Variants in GPATCH2 observed in about 807,000 individuals in gnomAD.
The protein encoded by GPATCH2 is G patch domain-containing protein 2.
GPATCH2 carries 51 observed loss-of-function variants against 58.0 expected under a neutral mutation model. That is an observed-to-expected ratio of 0.88 (90% CI 0.70 to 1.11). The LOEUF is 1.11. Ranked by LOEUF, GPATCH2 falls within the 50% of genes most tolerant of loss-of-function variation. GPATCH2 has a pLI of 0.00. For synonymous variants in GPATCH2, 222 were observed against 218.5 expected (o/e 1.02, Z -0.14); for missense variants, 625 against 652.2 (o/e 0.96, Z 0.45).
intron 5 of GPATCH2, among the ~76,000 whole-genome samples, chr1:217,544,431 C>A (rs956108106): frequency 1.3e-5 from 2 of 152,036 alleles, no homozygotes; most frequent in Admixed American, 6.6e-5. Context: ...GATTCTCCTG[C>A]GTCCACTATC....
chr1:217,611,275 A>G (rs964674761), intron 3 of GPATCH2, among the ~76,000 whole-genome samples: 1 of 152,168 alleles, frequency 6.6e-6, no homozygotes, highest in African/African-American at 2.4e-5. Context: ...ACATACCTGT[A>G]CTAAAAAATT....
intron 6 of GPATCH2, among the ~76,000 whole-genome samples, chr1:217,512,881 TAAC>T (rs781188861): frequency 1.3e-5 from 2 of 152,336 alleles, no homozygotes; most frequent in South Asian, 2.1e-4. Context: ...AGAGGAAGAA[TAAC>T]AAGTTAGGTT....
At chr1:217,449,201 T>C (rs779080490) in intron 9 of GPATCH2, 48 bp downstream of exon 9, 8 of 947,224 alleles carry the variant, frequency 8.4e-6, no homozygotes, top group Non-Finnish European at 1.4e-5. Context: ...TCTTCATGAT[T>C]TATGAACTCT....
chr1:217,536,200 T>C (rs752232891), intron 5 of GPATCH2, among the ~76,000 whole-genome samples: 2 of 152,236 alleles, frequency 1.3e-5, no homozygotes, highest in Non-Finnish European at 2.9e-5. Flanking sequence ...TGTAGTCAGA[T>C]GAAGCAATCT....
At chr1:217,620,682 T>G (rs1669142628) in intron 1 of GPATCH2, among the ~76,000 whole-genome samples, 183 bp from the exon 2 acceptor site, 1 of 152,248 alleles carries the variant, frequency 6.6e-6, no homozygotes, top group Non-Finnish European at 1.5e-5. Flanking sequence ...CCTCTTCTTA[T>G]ATAAGTTCTT....
chr1:217,451,189 A>G (rs1250545893), intron 8 of GPATCH2, among the ~76,000 whole-genome samples: 1 of 152,154 alleles, frequency 6.6e-6, no homozygotes, highest in African/African-American at 2.4e-5. Context: ...CCTTACAACA[A>G]TCCTAAATAT....
At chr1:217,470,832 A>G (rs929053976) in intron 8 of GPATCH2, among the ~76,000 whole-genome samples, 2 of 152,146 alleles carry the variant, frequency 1.3e-5, no homozygotes, top group Non-Finnish European at 2.9e-5. Context: ...ATTGGAATAT[A>G]TATGTAATTA....
chr1:217,630,616 C>A (rs936145355), intron 1 of GPATCH2, among the ~76,000 whole-genome samples: 2 of 152,154 alleles, frequency 1.3e-5, no homozygotes, highest in African/African-American at 4.8e-5. Flanking sequence ...CTTCCTGTCC[C>A]TAGTGTTGTC....
intron 5 of GPATCH2, 33 bp downstream of exon 5, chr1:217,610,288 A>T (rs1479849014): frequency 6.7e-7 from 1 of 1,493,966 alleles, no homozygotes; most frequent in South Asian, 1.1e-5. Context: ...AACATTTCCA[A>T]ACATGACAAT....
chr1:217,492,835 T>C (rs1376011661), intron 7 of GPATCH2: 2 of 152,224 alleles, frequency 1.3e-5, no homozygotes, highest in Admixed American at 1.3e-4. Flanking sequence ...GCTATGATTA[T>C]AATTATGATG....
chr1:217,511,012 C>T (rs960627459), intron 6 of GPATCH2, among the ~76,000 whole-genome samples: 36 of 152,028 alleles, frequency 2.4e-4, no homozygotes, highest in African/African-American at 7.5e-4. Context: ...GCAGGAGAAT[C>T]GTTTGAACTG....
chr1:217,463,641 CAA>C (rs201402598), intron 8 of GPATCH2, among the ~76,000 whole-genome samples: 920 of 81,546 alleles, frequency 0.011, 3 homozygotes, highest in African/African-American at 0.037. Flanking sequence ...CTTATCACTC[CAA>C]AAAAAAAAAA....
intron 2 of GPATCH2, among the ~76,000 whole-genome samples, chr1:217,616,307 A>C (rs1668883366): frequency 6.6e-6 from 1 of 152,118 alleles, no homozygotes; most frequent in Non-Finnish European, 1.5e-5. Flanking sequence ...AAATTACTTC[A>C]AAACTTGTTG....
chr1:217,577,750 T>C (rs1558498468), intron 5 of GPATCH2, among the ~76,000 whole-genome samples: 1 of 151,942 alleles, frequency 6.6e-6, no homozygotes, highest in Non-Finnish European at 1.5e-5. Context: ...TTATTATTAT[T>C]ATTATTGTTA....
At chr1:217,611,415 C>G (rs1438529664) in intron 3 of GPATCH2, among the ~76,000 whole-genome samples, 1 of 152,040 alleles carries the variant, frequency 6.6e-6, no homozygotes, top group Non-Finnish European at 1.5e-5. Context: ...TATCTTAAGA[C>G]TCTAAGAACT....
chr1:217,450,097 C>G (rs1036550197), intron 8 of GPATCH2, among the ~76,000 whole-genome samples: 1 of 151,884 alleles, frequency 6.6e-6, no homozygotes, highest in Non-Finnish European at 1.5e-5. Context: ...GAAATCAAGA[C>G]GAATACAAAA....
rs1056890626 is a variant in GPATCH2, at chr1:217,610,378, G to T, written c.1041C>A (p.Arg347=). 1.9e-6 allele frequency: 3 copies of T among 1,603,866 alleles called. No homozygotes were observed. The Admixed American group carries it at 5.0e-5, about 27-fold the overall frequency. The change falls in exon 5 of 10, where the codon CGC becomes CGA. Residue 347 remains arginine, a synonymous_variant. Coordinates refer to ENST00000366935, the MANE Select transcript of GPATCH2 (RefSeq NM_018040.5). The part of the protein sequence containing the change: ...SRRGFQARLS[R]LHGMSSKNIK... ...TATTCTTTGAAGACATTCCATGAAG[G>T]CGACTGAGTCTAGCTTGGAAACCTG...
intron 5 of GPATCH2, among the ~76,000 whole-genome samples, chr1:217,602,286 A>G (rs1668144751): frequency 6.6e-6 from 1 of 152,200 alleles, no homozygotes; most frequent in Non-Finnish European, 1.5e-5. Flanking sequence ...AGCATATCTT[A>G]TATCTCAGTA....
At chr1:217,513,516 C>T (rs1378339172) in intron 6 of GPATCH2, among the ~76,000 whole-genome samples, 1 of 152,102 alleles carries the variant, frequency 6.6e-6, no homozygotes, top group Non-Finnish European at 1.5e-5. Context: ...TTCATGTCTT[C>T]CCATACTTTA....
Sources: allele counts gnomAD v4.1 joint callset (sites outside exome capture counted in the v4.1 genomes callset), GRCh38; gene constraint gnomAD v4.1.1; transcripts MANE v1.5; gene names NCBI Gene and HGNC (gene_info 2026-07-23, HGNC 2026-07-21).